Variants in MYT1L observed in about 807,000 individuals in gnomAD.
MYT1L encodes the protein myelin transcription factor 1 like.
A neutral mutation model predicts 126.7 loss-of-function variants in MYT1L; 12 were observed. That is an observed-to-expected ratio of 0.09 (90% confidence interval 0.06 to 0.15). MYT1L has a LOEUF of 0.15. Ranked by LOEUF, MYT1L falls within the 10% of genes least tolerant of loss-of-function variation. The pLI is 1.00. For synonymous variants in MYT1L, 541 were observed against 604.2 expected, an observed-to-expected ratio of 0.90 and a Z score of 1.53; for missense variants, 979 against 1,585.2, an observed-to-expected ratio of 0.62 and a Z score of 6.49.
At position 2,163,666 on chromosome 2, in the gene MYT1L, G is replaced by T. The variant is rs1295630787; in HGVS notation, c.-304+9206C>A. On this transcript the variant is annotated intron_variant, in intron 3 of 24. Transcript: ENST00000647738. ...AGAAAGGCATGAACCCAGGAGGCGG[G>T]GCTTGCAGTGAGCCGATACTGAGAT... Among the ~76,000 whole-genome samples, 30 of 151,632 alleles carry T rather than the reference G, an allele frequency of 2.0e-4. 1 individual carries two copies. Among genetic ancestry groups the T allele is most frequent in the Admixed American group, 2.0e-3 (30 of 15,234 alleles).
At chr2:2,292,780 C>A (rs147100689) in intron 1 of MYT1L, among the ~76,000 whole-genome samples, 1 of 152,110 alleles carries the variant, frequency 6.6e-6, no homozygotes, top group South Asian at 2.1e-4. Context: ...AGGAATCAGA[C>A]GTATTGGATA....
Position 1,943,249 on chromosome 2 carries a change from C to A in MYT1L, c.238G>T (p.Val80Leu), listed in dbSNP as rs186658579. ...TCCACTGAGGAGCTGTCTGCTTTCA[C>A]GGCAAATGGCTTTCGTTTAGGAGCA... is the stretch of plus-strand genomic sequence containing the variant. The part of the protein sequence containing the change: ...EPAPKRKPFA[V>L]KADSSSVDEC... Residue 80 changes from valine (V) to leucine (L), a missense_variant, in exon 9 of 25, where the codon GTG becomes TTG. Around this residue, in one of 12 missense-constraint regions of MYT1L, gnomAD observed 111 missense variants for 115.9 expected, o/e 0.96. Transcript: ENST00000647738. The surrounding 1 kb of genome is among the most constrained non-coding windows in gnomAD (Gnocchi z 4.4). 68 of 1,556,156 alleles carry A rather than the reference C, an allele frequency of 4.4e-5. 1 individual carries two copies. The Admixed American group carries it at 1.3e-3, about 30-fold the overall frequency.
intron 4 of MYT1L, among the ~76,000 whole-genome samples, chr2:2,040,645 C>A (rs534124657): frequency 3.2e-4 from 48 of 152,062 alleles, no homozygotes; most frequent in Non-Finnish European, 6.0e-4. Context: ...GACACTTGGC[C>A]ACTCTTCAGG....
At chr2:1,984,898 A>G (rs1345848994) in intron 5 of MYT1L, among the ~76,000 whole-genome samples, 1 of 152,128 alleles carries the variant, frequency 6.6e-6, no homozygotes, top group African/African-American at 2.4e-5. Context: ...GTCAAGTACC[A>G]CATTAGGCCA....
chr2:2,048,340 C>T (rs1014476600), intron 4 of MYT1L, among the ~76,000 whole-genome samples: 63 of 152,314 alleles, frequency 4.1e-4, no homozygotes, highest in African/African-American at 1.4e-3. Context: ...AGCAAAATGT[C>T]GTGCTTGCTT....
At chr2:2,057,971 C>T (rs2069830366) in intron 3 of MYT1L, among the ~76,000 whole-genome samples, 1 of 152,138 alleles carries the variant, frequency 6.6e-6, no homozygotes, top group South Asian at 2.1e-4. Context: ...AGTGGGATAG[C>T]TGGGTCATAC....
At chr2:1,911,199 A>C (rs2051919220) in intron 12 of MYT1L, among the ~76,000 whole-genome samples, 1 of 152,166 alleles carries the variant, frequency 6.6e-6, no homozygotes, top group Non-Finnish European at 1.5e-5. Flanking sequence ...ATGTCTCTGG[A>C]GGGCACAGTG....
At chr2:2,230,304 T>A (rs527867656) in intron 2 of MYT1L, among the ~76,000 whole-genome samples, 2 of 152,202 alleles carry the variant, frequency 1.3e-5, no homozygotes, top group East Asian at 3.8e-4. Flanking sequence ...AGCTGCAGCG[T>A]CTGTTTCCTT....
intron 11 of MYT1L, among the ~76,000 whole-genome samples, chr2:1,913,758 C>T (rs2052409284): frequency 6.6e-6 from 1 of 152,136 alleles, no homozygotes; most frequent in Non-Finnish European, 1.5e-5. Flanking sequence ...GCACTTTACG[C>T]CTCTCTCCTG....
At chr2:1,853,059 A>G (rs1187533476) in intron 18 of MYT1L, among the ~76,000 whole-genome samples, 1 of 152,168 alleles carries the variant, frequency 6.6e-6, no homozygotes, top group African/African-American at 2.4e-5. Context: ...TGATACTTGG[A>G]TGTGTAAATG....
In MYT1L at chr2:1,801,850, G is replaced by T; in HGVS notation, c.3173-51C>A. 1 of 1,190,538 alleles carries T rather than the reference G, an allele frequency of 8.4e-7. No individual in the cohort carries two copies. Among genetic ancestry groups the T allele is most frequent in the South Asian group, 1.4e-5 (1 of 70,010 alleles). 73.7% of individuals were successfully genotyped at this position (1,190,538 alleles called of 1,614,324 possible). A position where few individuals can be genotyped will look rare whatever the true frequency, so the allele number is the denominator to read the frequency against. ...AAAACTGTTATATACAAAAATATTAGAGTTAGAATTTTGGGAGCTTTCTTT... is the reference window on the plus strand; with the variant it reads ...AAAACTGTTATATACAAAAATATTATAGTTAGAATTTTGGGAGCTTTCTTT... On this transcript the variant is annotated intron_variant, in intron 22 of 24. Coordinates refer to ENST00000647738, the MANE Select transcript of MYT1L (RefSeq NM_001303052.2). This position sits in a 1 kb window ranked among gnomAD's most constrained non-coding sequence, Gnocchi z 4.2.
chr2:2,176,463 G>A (rs921257263), intron 2 of MYT1L, among the ~76,000 whole-genome samples: 8 of 151,730 alleles, frequency 5.3e-5, no homozygotes, highest in African/African-American at 1.2e-4. Context: ...AGTTTTTGCC[G>A]TAGATCACCT....
intron 2 of MYT1L, among the ~76,000 whole-genome samples, chr2:2,222,548 A>T (rs976296200): frequency 2.0e-5 from 3 of 152,060 alleles, no homozygotes; most frequent in African/African-American, 7.2e-5. Flanking sequence ...ATTGTGAATG[A>T]TTTTGAACAT....
intron 3 of MYT1L, among the ~76,000 whole-genome samples, chr2:2,120,474 T>A (rs1385852593): frequency 2.0e-5 from 3 of 152,102 alleles, no homozygotes; most frequent in Admixed American, 6.5e-5. Flanking sequence ...AGGCCTTTTT[T>A]ATTTATTTTT....
rs532406263 is a variant in MYT1L at position 1,889,918 on chromosome 2, ATGTG to A, written c.2284-445_2284-442del. On this transcript the variant is annotated intron_variant, in intron 15 of 24. Transcript: ENST00000647738. The surrounding 1 kb of genome is among the most constrained non-coding windows in gnomAD (Gnocchi z 4.1). ...CATGTGTGCATATACATGTATGTGC[ATGTG>A]TGTGTGTGTATAAACACACATATAT... Among the ~76,000 whole-genome samples, 30 of 151,962 alleles carry A rather than the reference ATGTG, an allele frequency of 2.0e-4. No homozygotes were observed. The highest frequency in any genetic ancestry group is 1.9e-4 in the Non-Finnish European group (13 of 67,992).
intron 22 of MYT1L, among the ~76,000 whole-genome samples, chr2:1,802,744 A>T (rs925258030): frequency 2.6e-5 from 4 of 152,326 alleles, no homozygotes; most frequent in African/African-American, 7.2e-5. Context: ...GCCAAAGAGA[A>T]GGAGATTCCT....
At chr2:1,963,145 C>A (rs779199378) in intron 8 of MYT1L, among the ~76,000 whole-genome samples, 35 of 152,232 alleles carry the variant, frequency 2.3e-4, no homozygotes, top group Admixed American at 7.8e-4. Flanking sequence ...TGTCTGCAGG[C>A]ATAAAGCCAA....
intron 2 of MYT1L, among the ~76,000 whole-genome samples, chr2:2,233,749 A>G (rs2149080551): frequency 6.6e-6 from 1 of 152,328 alleles, no homozygotes; most frequent in Admixed American, 6.5e-5. Context: ...AATCCATTTT[A>G]GTAGCTATCA....
intron 4 of MYT1L, among the ~76,000 whole-genome samples, chr2:2,028,543 C>A (rs77947745): frequency 6.6e-6 from 1 of 151,978 alleles, no homozygotes; most frequent in East Asian, 1.9e-4. Flanking sequence ...GAGTTCTGCA[C>A]TTGAAAGGAG....
Sources: allele counts gnomAD v4.1 joint callset (sites outside exome capture counted in the v4.1 genomes callset), GRCh38; gene constraint gnomAD v4.1.1; regional missense constraint gnomAD v4.1.1; non-coding constraint Gnocchi (gnomAD v3.1); transcripts MANE v1.5; gene names NCBI Gene and HGNC (gene_info 2026-07-23, HGNC 2026-07-21).